Variants in ZFYVE1 observed in about 807,000 individuals in gnomAD.
ZFYVE1 encodes zinc finger FYVE-type containing 1.
In ZFYVE1, 30 loss-of-function variants were observed where a neutral mutation model predicts 74.4. That is an observed-to-expected ratio of 0.40 (90% CI 0.30 to 0.55). ZFYVE1 has a LOEUF of 0.55. ZFYVE1 is among the 20% of genes least tolerant of loss of function. The pLI is 0.42. For synonymous variants in ZFYVE1, 335 were observed against 385.1 expected (o/e 0.87, Z 1.52); for missense variants, 703 against 1,011.6 (o/e 0.69, Z 4.14).
chr14:72,999,010 C>T (rs1028265229), intron 2 of ZFYVE1, among the ~76,000 whole-genome samples: 1 of 152,052 alleles, frequency 6.6e-6, no homozygotes, highest in African/African-American at 2.4e-5. Flanking sequence ...ATAAATTAGA[C>T]TTGATCTAGC....
intron 2 of ZFYVE1, among the ~76,000 whole-genome samples, chr14:73,016,968 G>A (rs1894215910): frequency 6.6e-6 from 1 of 152,096 alleles, no homozygotes; most frequent in Non-Finnish European, 1.5e-5. Flanking sequence ...AGAATGCTGA[G>A]TTCACCAGCT....
At chr14:72,980,611 A>G (rs1247865233) in intron 5 of ZFYVE1, among the ~76,000 whole-genome samples, 1 of 151,906 alleles carries the variant, frequency 6.6e-6, no homozygotes, top group Non-Finnish European at 1.5e-5. Context: ...TCTGTCGCCC[A>G]GGCTGGAGTG....
chr14:73,020,259 CAAAA>C (rs33955263), intron 2 of ZFYVE1, among the ~76,000 whole-genome samples: 1 of 106,374 alleles, frequency 9.4e-6, no homozygotes, highest in Admixed American at 1.1e-4. Context: ...GACTCCATCT[CAAAA>C]AAAAAAAAAA....
intron 2 of ZFYVE1, among the ~76,000 whole-genome samples, chr14:73,015,516 T>G (rs1010201459): frequency 3.3e-5 from 5 of 151,876 alleles, no homozygotes; most frequent in Admixed American, 2.0e-4. Context: ...CTCAGCCTCC[T>G]GAGTAGCTGG....
chr14:73,009,866 G>A (rs527437238), intron 2 of ZFYVE1, among the ~76,000 whole-genome samples: 4 of 152,110 alleles, frequency 2.6e-5, no homozygotes, highest in Admixed American at 6.6e-5. Context: ...CCAGCAGTTC[G>A]GGAGGCTGAG....
At chr14:72,974,717 C>A in intron 10 of ZFYVE1, 62 bp downstream of exon 10, 1 of 1,534,722 alleles carries the variant, frequency 6.5e-7, no homozygotes, top group Non-Finnish European at 8.8e-7. Flanking sequence ...CAGTTCTTAG[C>A]ACCCAGGGCC....
rs190004477 is a variant in ZFYVE1 at position 72,977,264 on chromosome 14, G to A, written c.1635+663C>T. ...CTTTACTGAAAATACAAAATTAGCCGGGCGTGGCGGTCGTGCCTGTAATCC... is the reference window on the plus strand; with the variant it reads ...CTTTACTGAAAATACAAAATTAGCCAGGCGTGGCGGTCGTGCCTGTAATCC... On this transcript the variant is annotated intron_variant, in intron 8 of 11. Coordinates refer to ENST00000556143, the MANE Select transcript of ZFYVE1 (RefSeq NM_021260.4). Among the ~76,000 whole-genome samples, 6 of 152,202 alleles carry A rather than the reference G, an allele frequency of 3.9e-5. No homozygotes were observed. In the South Asian group the frequency reaches 6.2e-4, roughly 16 times the overall value.
rs1894416239 is a variant in ZFYVE1 at position 73,024,570 on chromosome 14, A to C, written c.-62T>G. ...AGTCACTGAGCTTGCCCCGGGGGTG[A>C]AGACGAAGATTTGAGTCTGAAGACT... is the stretch of plus-strand genomic sequence containing the variant. On this transcript the variant is annotated 5_prime_UTR_variant, in exon 2 of 12. Transcript: ENST00000556143. 6.6e-7 allele frequency: 1 copy of C among 1,519,528 alleles called. No homozygotes were observed. Among genetic ancestry groups the C allele is most frequent in the South Asian group, 1.3e-5 (1 of 75,012 alleles). 94.1% of individuals were successfully genotyped at this position (1,519,528 alleles called of 1,614,324 possible). A position where few individuals can be genotyped will look rare whatever the true frequency, so the allele number is the denominator to read the frequency against.
chr14:72,971,313 T>A (rs1248475121), intron 11 of ZFYVE1, among the ~76,000 whole-genome samples, 199 bp from the exon 12 acceptor site: 1 of 152,196 alleles, frequency 6.6e-6, no homozygotes, highest in African/African-American at 2.4e-5. Flanking sequence ...GCATAGGCAC[T>A]GATTTTCCCT....
chr14:73,003,952 T>C (rs932315633), intron 2 of ZFYVE1, among the ~76,000 whole-genome samples: 1 of 151,996 alleles, frequency 6.6e-6, no homozygotes, highest in Non-Finnish European at 1.5e-5. Flanking sequence ...AATGAGTGAG[T>C]GAATAAACGC....
intron 4 of ZFYVE1, among the ~76,000 whole-genome samples, chr14:72,986,012 G>A (rs941656934): frequency 3.9e-5 from 6 of 152,170 alleles, no homozygotes; most frequent in Non-Finnish European, 8.8e-5. Flanking sequence ...TATAAATCTG[G>A]CATGAGTGCA....
chr14:72,981,247 G>A (rs61986495), intron 5 of ZFYVE1, among the ~76,000 whole-genome samples: 19,588 of 152,106 alleles, frequency 0.13, 1,568 homozygotes, highest in East Asian at 0.2. Flanking sequence ...CACACGACCC[G>A]TTAATTAGAA....
At chr14:72,988,563 T>A (rs1326851833) in intron 4 of ZFYVE1, among the ~76,000 whole-genome samples, 1 of 151,408 alleles carries the variant, frequency 6.6e-6, no homozygotes, top group African/African-American at 2.4e-5. Flanking sequence ...TCCCAACATT[T>A]TGGGAGGCGG....
chr14:72,995,249 C>A (rs1044721823), intron 3 of ZFYVE1, among the ~76,000 whole-genome samples: 1 of 152,080 alleles, frequency 6.6e-6, no homozygotes, highest in Non-Finnish European at 1.5e-5. Flanking sequence ...TGCCCACCAC[C>A]ATACACTTGA....
chr14:72,986,345 ACT>A (rs1893479382), intron 4 of ZFYVE1, among the ~76,000 whole-genome samples: 1 of 151,980 alleles, frequency 6.6e-6, no homozygotes, highest in African/African-American at 2.4e-5. Flanking sequence ...GGCCACTGAC[ACT>A]CTTGCATATG....
In ZFYVE1 at chr14:72,974,760, C is replaced by A. The variant is rs770136019; in HGVS notation, c.1987+19G>T. On this transcript the variant is annotated intron_variant, in intron 10 of 11. Transcript: ENST00000556143. ...GAGGTTCTCCCCTCCACCCCTGCAG[C>A]TCCCAGGTCCCACGTTACCTAACTG... 1 of 1,583,940 alleles carries A rather than the reference C, an allele frequency of 6.3e-7. No homozygotes were observed. The highest frequency in any genetic ancestry group is 2.3e-5 in the East Asian group (1 of 44,130).
intron 2 of ZFYVE1, among the ~76,000 whole-genome samples, chr14:73,005,293 A>G (rs8022470): frequency 0.3 from 45,899 of 152,008 alleles, 7,340 homozygotes; most frequent in Middle Eastern, 0.39. Context: ...GGAAGGGCCC[A>G]GGAAGGAACG....
chr14:73,015,429 G>GAAGA (rs1389349595), intron 2 of ZFYVE1, among the ~76,000 whole-genome samples: 3 of 146,926 alleles, frequency 2.0e-5, no homozygotes, highest in Admixed American at 1.4e-4. Flanking sequence ...GGGAAGGAAG[G>GAAGA]AAGAAAGAAA....
chr14:72,978,412 C>T (rs1893231684), intron 6 of ZFYVE1, among the ~76,000 whole-genome samples, 178 bp from the exon 7 acceptor site: 1 of 151,548 alleles, frequency 6.6e-6, no homozygotes, highest in Non-Finnish European at 1.5e-5. Context: ...ACTAAAAATA[C>T]AAAAATTAGC....
Sources: allele counts gnomAD v4.1 joint callset (sites outside exome capture counted in the v4.1 genomes callset), GRCh38; gene constraint gnomAD v4.1.1; transcripts MANE v1.5; gene names NCBI Gene and HGNC (gene_info 2026-07-23, HGNC 2026-07-21).